Variants in ZNF236 observed in about 807,000 individuals in gnomAD.
ZNF236 encodes the protein zinc finger protein 236.
ZNF236 carries 50 observed loss-of-function variants against 191.2 expected under a neutral mutation model. That is an observed-to-expected ratio of 0.26 (90% CI 0.21 to 0.33). ZNF236 has a LOEUF of 0.33. ZNF236 is among the 10% of genes least tolerant of loss of function. The pLI, the probability that ZNF236 is intolerant of heterozygous loss-of-function variation, is 1.00. For missense variants in ZNF236, 1,754 were observed against 2,374.5 expected (o/e 0.74, Z 5.43); for synonymous variants, 907 against 928.8 (o/e 0.98, Z 0.43).
intron 9 of ZNF236, among the ~76,000 whole-genome samples, chr18:76,892,057 A>G (rs1977253489): frequency 6.6e-6 from 1 of 151,980 alleles, no homozygotes; most frequent in Admixed American, 6.5e-5. Context: ...GATAAATTAA[A>G]CCAGGGAGAA....
intron 25 of ZNF236, among the ~76,000 whole-genome samples, chr18:76,929,269 G>A (rs2122851093): frequency 6.6e-6 from 1 of 152,018 alleles, no homozygotes; most frequent in African/African-American, 2.4e-5. Flanking sequence ...GAGATGCAGT[G>A]GTTTTTAGAT....
At chr18:76,825,355 T>A (rs930018154) in intron 1 of ZNF236, among the ~76,000 whole-genome samples, 2 of 152,192 alleles carry the variant, frequency 1.3e-5, no homozygotes, top group African/African-American at 4.8e-5. Context: ...TATCATAGAC[T>A]AAGACTGTTA....
chr18:76,824,131 A>G (rs756114301), intron 1 of ZNF236: 2 of 585,734 alleles, frequency 3.4e-6, no homozygotes, highest in African/African-American at 3.7e-5. Context: ...TTGTGACCAA[A>G]CAACACAGGT....
At chr18:76,944,552 G>A (rs183876278) in intron 26 of ZNF236, among the ~76,000 whole-genome samples, 1,633 of 152,218 alleles carry the variant, frequency 0.011, 18 homozygotes, top group Non-Finnish European at 0.017. Flanking sequence ...AGGCCGAGGC[G>A]GGTGGATCAC....
intron 1 of ZNF236, among the ~76,000 whole-genome samples, chr18:76,845,399 A>G (rs913285578): frequency 6.6e-6 from 1 of 152,086 alleles, no homozygotes; most frequent in African/African-American, 2.4e-5. Context: ...ACTGTTCTAG[A>G]TCTTAGATTT....
chr18:76,849,453 CA>C lies in ZNF236; in HGVS notation c.56-71del, dbSNP rs775863174. On this transcript the variant is annotated intron_variant, in intron 1 of 30. Transcript: ENST00000320610. ...CATAATTTGGTTTTTAAACAATAAC[CA>C]ATAATTTGGTTTTATTTATGTGATG... The C allele has an allele frequency of 8.5e-6, 11 of 1,287,524 alleles. No homozygotes were observed. In the East Asian group the frequency reaches 2.5e-4, roughly 29 times the overall value. 79.8% of individuals were successfully genotyped at this position (1,287,524 alleles called of 1,614,324 possible). A position where few individuals can be genotyped will look rare whatever the true frequency, so the allele number is the denominator to read the frequency against.
rs776507497 is a variant in ZNF236 at position 76,895,162 on chromosome 18, G to T, written c.1567G>T (p.Val523Leu). The T allele has an allele frequency of 6.2e-7, 1 of 1,607,840 alleles. No individual in the cohort carries two copies. The highest frequency in any genetic ancestry group is 8.5e-7 in the Non-Finnish European group (1 of 1,179,986). Residue 523 changes from valine (V) to leucine (L), a missense_variant, in exon 10 of 31, where the codon GTG becomes TTG. Val to Leu is a conservative substitution (Grantham distance 32, BLOSUM62 1). Around this residue, in one of 5 missense-constraint regions of ZNF236, gnomAD observed 641 missense variants for 869.6 expected, o/e 0.74. Coordinates refer to ENST00000320610, the MANE Select transcript of ZNF236 (RefSeq NM_001306089.2). ...KCPQCFRAFA[V>L]KSTLTAHIKT... The stretch of plus-strand genomic sequence containing the variant: ...CCCGCAGTGCTTCCGCGCCTTCGCC[G>T]TGAAGAGCACGCTGACAGCGCACAT...
intron 27 of ZNF236, among the ~76,000 whole-genome samples, chr18:76,954,629 A>G (rs1255405662): frequency 1.3e-5 from 2 of 152,212 alleles, no homozygotes; most frequent in Non-Finnish European, 2.9e-5. Context: ...ATTTTCTAGA[A>G]TAACACCTAT....
intron 9 of ZNF236, among the ~76,000 whole-genome samples, chr18:76,884,363 T>C (rs1267704388): frequency 6.7e-6 from 1 of 150,352 alleles, no homozygotes; most frequent in Non-Finnish European, 1.5e-5. Flanking sequence ...ATCATGCCAT[T>C]GGACTCCAGC....
At chr18:76,896,721 A>G (rs1392094181) in intron 10 of ZNF236, among the ~76,000 whole-genome samples, 1 of 152,004 alleles carries the variant, frequency 6.6e-6, no homozygotes, top group East Asian at 1.9e-4. Context: ...GGCACTGCCC[A>G]CAGGGACCAC....
chr18:76,863,850 CAG>C (rs1273622642), intron 3 of ZNF236, among the ~76,000 whole-genome samples: 1 of 152,146 alleles, frequency 6.6e-6, no homozygotes, highest in Non-Finnish European at 1.5e-5. Context: ...GATCTCCAAA[CAG>C]AAAGGAAATG....
Position 76,868,840 on chromosome 18 carries a change from C to T in ZNF236, c.519C>T (p.His173=). ...AGACCTCCTCGGAGCTGAAGGAACACATGAAGACTCATTACAAAATTAGGT... is the reference window on the plus strand; with the variant it reads ...AGACCTCCTCGGAGCTGAAGGAACATATGAAGACTCATTACAAAATTAGGT... ...EFETSSELKE[H]MKTHYKIRVS... The change falls in exon 4 of 31, where the codon CAC becomes CAT. Residue 173 remains histidine (H), a synonymous_variant. Coordinates refer to ENST00000320610, the MANE Select transcript of ZNF236 (RefSeq NM_001306089.2). 1.2e-6 allele frequency: 2 copies of T among 1,608,270 alleles called. No individual in the cohort carries two copies. Among genetic ancestry groups the T allele is most frequent in the Non-Finnish European group, 1.7e-6 (2 of 1,177,866 alleles).
At position 76,941,569 on chromosome 18, in the gene ZNF236, G is replaced by A. The variant is rs4890781; in HGVS notation, c.4782+4226G>A. ...TGCAGCCACACACCCTGCCATTAGCGCTTCCCTGCTGCCCCCCTCAGCCCT... is the reference window on the plus strand; with the variant it reads ...TGCAGCCACACACCCTGCCATTAGCACTTCCCTGCTGCCCCCCTCAGCCCT... On this transcript the variant is annotated intron_variant, in intron 26 of 30. Transcript: ENST00000320610. Among the ~76,000 whole-genome samples, 126 of 152,232 alleles carry A rather than the reference G, an allele frequency of 8.3e-4. 2 individuals are homozygous for A. Among genetic ancestry groups the A allele is most frequent in the South Asian group, 4.4e-3 (21 of 4,824 alleles).
At chr18:76,824,607 AGGCTT>A (rs1974963885) in intron 1 of ZNF236, among the ~76,000 whole-genome samples, 2 of 152,226 alleles carry the variant, frequency 1.3e-5, no homozygotes, top group Non-Finnish European at 2.9e-5. Context: ...ACTTGGAAGA[AGGCTT>A]AGGATAGAGA....
At chr18:76,923,766 A>C (rs993784415) in intron 21 of ZNF236, among the ~76,000 whole-genome samples, 3 of 152,062 alleles carry the variant, frequency 2.0e-5, no homozygotes, top group African/African-American at 7.2e-5. Flanking sequence ...TCTCAGCCAC[A>C]AGTTTCTTCT....
rs756944234 is a variant in ZNF236 at position 76,956,127 on chromosome 18, G to A, written c.5057G>A (p.Arg1686His). 3.8e-6 allele frequency: 6 copies of A among 1,571,494 alleles called. No individual in the cohort carries two copies. Among genetic ancestry groups the A allele is most frequent in the Admixed American group, 1.9e-5 (1 of 53,902 alleles). Residue 1686 changes from arginine to histidine, a missense_variant, in exon 28 of 31, where the codon CGC becomes CAC. Arg to His is a conservative substitution (Grantham distance 29). This residue lies in a region of ZNF236 where 606 missense variants were observed against 761.5 expected (regional missense o/e 0.80). Coordinates refer to ENST00000320610, the MANE Select transcript of ZNF236 (RefSeq NM_001306089.2). ...HHSKEVHGRERIHGCPVCRKA... is the reference protein window; with the variant it reads ...HHSKEVHGREHIHGCPVCRKA... ...AGCAAGGAGGTGCATGGCCGGGAGC[G>A]CATCCACGGCTGCCCCGTGTGCAGG...
In ZNF236 at chr18:76,845,075, C is replaced by T. The variant is rs1975635089; in HGVS notation, c.56-4451C>T. Among the ~76,000 whole-genome samples, 3 of 152,174 alleles carry T rather than the reference C, an allele frequency of 2.0e-5. No homozygotes were observed. The South Asian group carries it at 6.2e-4, about 31-fold the overall frequency. ...GCTTTCTTATTTTTGGGGTGGTAAA[C>T]AGCTATTATTCTATTTAGAATATTT... On this transcript the variant is annotated intron_variant, in intron 1 of 30. Transcript: ENST00000320610.
chr18:76,928,410 G>A (rs1021267250), intron 25 of ZNF236, among the ~76,000 whole-genome samples: 2 of 152,192 alleles, frequency 1.3e-5, no homozygotes, highest in East Asian at 1.9e-4. Flanking sequence ...AGCAGAAAGC[G>A]TAGCTTTGTG....
rs566021883 is a variant in ZNF236 at position 76,972,422 on chromosome 18, C to T, written c.*4083C>T. ...TGCACGGATGAGCACATAGCTCACCCTCACCCTCACACACTCACCCACACA... is the reference window on the plus strand; with the variant it reads ...TGCACGGATGAGCACATAGCTCACCTTCACCCTCACACACTCACCCACACA... On this transcript the variant is annotated 3_prime_UTR_variant, in exon 31 of 31. Transcript: ENST00000320610. Among the ~76,000 whole-genome samples, 10 of 152,158 alleles carry T rather than the reference C, an allele frequency of 6.6e-5. No individual in the cohort carries two copies. In the East Asian group the frequency reaches 1.7e-3, roughly 26 times the overall value.
Sources: gnomAD v4.1 joint callset for allele counts (sites outside exome capture counted in the v4.1 genomes callset) on GRCh38, gnomAD v4.1.1 for gene constraint, gnomAD v4.1.1 regional missense constraint, MANE v1.5 for transcripts, NCBI Gene and HGNC (gene_info 2026-07-23, HGNC 2026-07-21) for gene names.